Variants in LINC00632 observed in about 807,000 individuals in gnomAD.
LINC00632 encodes ALDOA related specific transcript.
At chrX:140,741,425 G>C (rs939054251) in intron 3 of LINC00632, among the ~76,000 whole-genome samples, 1 of 111,912 alleles carries the variant, frequency 8.9e-6, no homozygotes, top group African/African-American at 3.3e-5. Flanking sequence ...GGGCTGGGTT[G>C]AGGCACCTGG....
At chrX:140,737,674 A>T (rs764380848) in intron 3 of LINC00632, among the ~76,000 whole-genome samples, 1 of 111,669 alleles carries the variant, frequency 9.0e-6, no homozygotes, top group East Asian at 2.8e-4. Flanking sequence ...CTCTACCTCC[A>T]TGAGATCAAC....
intron 2 of LINC00632, among the ~76,000 whole-genome samples, chrX:140,725,328 CAT>C (rs201996254): frequency 2.3e-5 from 2 of 86,326 alleles, no homozygotes; most frequent in Non-Finnish European, 4.7e-5. Flanking sequence ...TACACACACA[CAT>C]ATTCCATAAA....
At chrX:140,712,371 A>C (rs1459634953) in intron 2 of LINC00632, 2 of 106,601 alleles carry the variant, frequency 1.9e-5, no homozygotes. Context: ...TGTTAAAAAA[A>C]AAAATACCCC....
At chrX:140,736,436 C>CT (rs748293491) in intron 3 of LINC00632, among the ~76,000 whole-genome samples, 1,249 of 49,997 alleles carry the variant, frequency 0.025, 19 homozygotes, top group African/African-American at 0.035. Flanking sequence ...TCTTCTTCTT[C>CT]TTTTTTTTTT....
intron 3 of LINC00632, among the ~76,000 whole-genome samples, chrX:140,738,703 T>C (rs1931181534): frequency 8.9e-6 from 1 of 112,442 alleles, no homozygotes; most frequent in Admixed American, 9.5e-5. Context: ...ACTAATATTT[T>C]ATGTTAATTA....
At chrX:140,773,879 G>C (rs1033240736) in exon 4 of LINC00632, among the ~76,000 whole-genome samples, 2 of 112,137 alleles carry the variant, frequency 1.8e-5, no homozygotes, top group African/African-American at 6.5e-5. Flanking sequence ...ACTTTACCAT[G>C]AAAGTGGCTT....
exon 5 of LINC00632, among the ~76,000 whole-genome samples, chrX:140,789,004 T>C (rs1295177663): frequency 9.4e-6 from 1 of 106,859 alleles, no homozygotes; most frequent in Non-Finnish European, 1.9e-5. Flanking sequence ...AAAAAAGCAG[T>C]AGTGTATAAA....
chrX:140,752,287 G>A (rs5953512), intron 3 of LINC00632, among the ~76,000 whole-genome samples: 39,677 of 110,798 alleles, frequency 0.36, 5,676 homozygotes, highest in Middle Eastern at 0.45. Flanking sequence ...TCCAAGGTCT[G>A]GAGGAGGAGG....
intron 3 of LINC00632, among the ~76,000 whole-genome samples, chrX:140,760,448 G>A (rs1931579138): frequency 8.9e-6 from 1 of 111,812 alleles, no homozygotes; most frequent in Admixed American, 9.5e-5. Flanking sequence ...AACAGGGAAA[G>A]GAGTGAGGGA....
intron 3 of LINC00632, among the ~76,000 whole-genome samples, chrX:140,768,468 C>T (rs1407297213): frequency 9.4e-6 from 1 of 105,924 alleles, no homozygotes; most frequent in Non-Finnish European, 1.9e-5. Context: ...ATCTTAGAAG[C>T]TGTGAAAGAG....
At chrX:140,786,068 T>C (rs1384930564) in exon 5 of LINC00632, among the ~76,000 whole-genome samples, 1 of 112,132 alleles carries the variant, frequency 8.9e-6, no homozygotes, top group Non-Finnish European at 1.9e-5. Context: ...CCCATGCTTC[T>C]GGCTGGCATG....
intron 3 of LINC00632, among the ~76,000 whole-genome samples, chrX:140,741,968 A>G (rs73590179): frequency 0.024 from 2,636 of 111,880 alleles, 82 homozygotes; most frequent in African/African-American, 0.081. Flanking sequence ...GGCGAACAAC[A>G]GTTTGCTTTA....
chrX:140,724,280 A>G (rs1389399952), intron 2 of LINC00632, among the ~76,000 whole-genome samples: 1 of 93,334 alleles, frequency 1.1e-5, no homozygotes, highest in African/African-American at 4.0e-5. Context: ...GTACACACAG[A>G]CACACATTCC....
chrX:140,729,229 TACAACACCAAG>T (rs988154726), intron 2 of LINC00632, among the ~76,000 whole-genome samples: 1 of 110,639 alleles, frequency 9.0e-6, no homozygotes, highest in Non-Finnish European at 1.9e-5. Context: ...ACATTCTCTT[TACAACACCAAG>T]ACACACCTCA....
At chrX:140,722,364 TA>T (rs78229215) in intron 2 of LINC00632, among the ~76,000 whole-genome samples, 1,690 of 93,128 alleles carry the variant, frequency 0.018, 8 homozygotes, top group African/African-American at 0.022. Context: ...CACCTGCAGT[TA>T]AAAAAAAAAA....
rs1449497787 is a variant in LINC00632 at position 140,771,703 on chromosome X, G to A, written n.192-375G>A. Reference sequence around the variant, plus strand: ...TATATATATTTTTTTTTTTTGAGACGGAATCTTACTCTGTCACCCAGGCTG... The same window carrying A: ...TATATATATTTTTTTTTTTTGAGACAGAATCTTACTCTGTCACCCAGGCTG... On this transcript the variant is annotated intron_variant and non_coding_transcript_variant, in intron 3 of 4. Transcript: ENST00000648200. Among the ~76,000 whole-genome samples, 3 of 83,940 alleles carry A rather than the reference G, an allele frequency of 3.6e-5. No individual in the cohort carries two copies. In the East Asian group the frequency reaches 1.2e-3, roughly 33 times the overall value. 72.9% of individuals were successfully genotyped at this position (83,940 alleles called of 115,157 possible).
exon 5 of LINC00632, chrX:140,784,479 T>C: frequency 1.1e-6 from 1 of 897,958 alleles, no homozygotes; most frequent in Non-Finnish European, 1.6e-6. Flanking sequence ...CTCCAGGGCT[T>C]CCAGCATCTG....
At chrX:140,781,305 T>C (rs142927015) in exon 5 of LINC00632, among the ~76,000 whole-genome samples, 11,201 of 111,096 alleles carry the variant, frequency 0.1, 484 homozygotes, top group African/African-American at 0.15. Flanking sequence ...GAGAAGAGCC[T>C]ACCAAGCTAT....
chrX:140,784,396 AAT>A (rs778862857), exon 5 of LINC00632: 121 of 1,198,288 alleles, frequency 1.0e-4, no homozygotes, highest in Non-Finnish European at 1.3e-4. Flanking sequence ...TCTTCCAGAA[AAT>A]ATATGTCTTC....
Sources: gnomAD v4.1 joint callset for allele counts (sites outside exome capture counted in the v4.1 genomes callset) on GRCh38, gnomAD v4.1.1 for gene constraint, MANE v1.5 for transcripts, NCBI Gene and HGNC (gene_info 2026-07-23, HGNC 2026-07-21) for gene names.